Variants in FAM120A observed in about 807,000 individuals in gnomAD.
The protein encoded by FAM120A is constitutive coactivator of PPAR-gamma-like protein 1.
FAM120A carries 15 observed loss-of-function variants against 109.7 expected under a neutral mutation model. That is an observed-to-expected ratio of 0.14 (90% CI 0.09 to 0.21). FAM120A has a LOEUF of 0.21. Among genes scored for constraint, FAM120A ranks in the 10% least tolerant of loss-of-function variants. FAM120A has a pLI of 1.00. For synonymous variants in FAM120A, 493 were observed against 572.8 expected (o/e 0.86, Z 1.99); for missense variants, 899 against 1,439.3 (o/e 0.62, Z 6.07).
At chr9:93,521,160 A>C (rs1860830279) in intron 7 of FAM120A, among the ~76,000 whole-genome samples, 2 of 152,320 alleles carry the variant, frequency 1.3e-5, no homozygotes, top group African/African-American at 4.8e-5. Context: ...TTTCCAAAAA[A>C]ATTGAAGGTG....
intron 5 of FAM120A, among the ~76,000 whole-genome samples, chr9:93,506,472 C>G (rs563544594): frequency 6.6e-6 from 1 of 152,186 alleles, no homozygotes; most frequent in African/African-American, 2.4e-5. Context: ...CAACTTTGCT[C>G]AGTTCTTATT....
At chr9:93,484,612 C>T (rs963156225) in intron 3 of FAM120A, among the ~76,000 whole-genome samples, 4 of 152,120 alleles carry the variant, frequency 2.6e-5, no homozygotes, top group Non-Finnish European at 5.9e-5. Flanking sequence ...CTTGCTCTGT[C>T]ACCCAGGCTG....
At chr9:93,542,853 A>G (rs1266224861) in intron 10 of FAM120A, among the ~76,000 whole-genome samples, 5 of 152,240 alleles carry the variant, frequency 3.3e-5, no homozygotes, top group African/African-American at 1.2e-4. Flanking sequence ...TAATTAGATA[A>G]CCACATACTT....
At chr9:93,493,975 C>T (rs936112634) in intron 3 of FAM120A, among the ~76,000 whole-genome samples, 1 of 152,204 alleles carries the variant, frequency 6.6e-6, no homozygotes, top group African/African-American at 2.4e-5. Flanking sequence ...AAGTGTCTTC[C>T]TTCAATTCCT....
At chr9:93,499,289 T>A (rs76380605) in intron 5 of FAM120A, among the ~76,000 whole-genome samples, 5 of 151,836 alleles carry the variant, frequency 3.3e-5, no homozygotes, top group African/African-American at 4.8e-5. Flanking sequence ...TTTTTTTTTT[T>A]AATTCTTTTT....
At chr9:93,522,967 G>T (rs1412240506) in intron 7 of FAM120A, among the ~76,000 whole-genome samples, 1 of 152,202 alleles carries the variant, frequency 6.6e-6, no homozygotes, top group Non-Finnish European at 1.5e-5. Flanking sequence ...AGAGTCTCTT[G>T]GTTGGTATTT....
chr9:93,487,600 C>A (rs1034834600), intron 3 of FAM120A, among the ~76,000 whole-genome samples: 18 of 152,196 alleles, frequency 1.2e-4, no homozygotes, highest in Non-Finnish European at 2.4e-4. Flanking sequence ...CAAAGGAAAT[C>A]TGTCTGATCA....
intron 11 of FAM120A, among the ~76,000 whole-genome samples, chr9:93,544,798 TG>T (rs1363993290): frequency 1.3e-5 from 2 of 152,108 alleles, no homozygotes; most frequent in African/African-American, 2.4e-5. Context: ...ATGCCCTGCC[TG>T]GGGGTGCACA....
chr9:93,558,730 C>T lies in FAM120A; in HGVS notation c.2806+12C>T, dbSNP rs762336922. 6.2e-7 allele frequency: 1 copy of T among 1,611,742 alleles called. No homozygotes were observed. The highest frequency in any genetic ancestry group is 1.3e-5 in the African/African-American group (1 of 75,040). ...CAAGTCCCAGGGCGGTAATTATACC[C>T]ACCCCTTCCCAGAGCTTCTGCCTGC... On this transcript the variant is annotated intron_variant, in intron 15 of 17. Transcript: ENST00000277165.
At chr9:93,556,665 A>G (rs1009396185) in intron 13 of FAM120A, 74 bp downstream of exon 13, 1 of 1,408,086 alleles carries the variant, frequency 7.1e-7, no homozygotes, top group Non-Finnish European at 1.0e-6. Flanking sequence ...GTCATCTTTT[A>G]TACCATATTT....
chr9:93,552,853 T>C (rs1862150628), intron 12 of FAM120A, among the ~76,000 whole-genome samples: 1 of 152,224 alleles, frequency 6.6e-6, no homozygotes, highest in African/African-American at 2.4e-5. Context: ...CTACCCAGTT[T>C]GTGGATTGCC....
At chr9:93,548,537 T>C (rs1861976937) in intron 11 of FAM120A, among the ~76,000 whole-genome samples, 1 of 152,244 alleles carries the variant, frequency 6.6e-6, no homozygotes, top group South Asian at 2.1e-4. Flanking sequence ...ATGTGCTTAA[T>C]GCCACTGAAC....
rs542447510 is a variant in FAM120A at position 93,524,984 on chromosome 9, T to G, written c.1419-2171T>G. ...GTGTAAAATGAAACATAAATATATA[T>G]AGAAGTATTCTAAAATGTTATCCAT... On this transcript the variant is annotated intron_variant, in intron 7 of 17. Transcript: ENST00000277165. Among the ~76,000 whole-genome samples the G allele has an allele frequency of 2.6e-5, 4 of 152,298 alleles. No homozygotes were observed. In the East Asian group the frequency reaches 7.7e-4, roughly 29 times the overall value.
chr9:93,561,306 C>G (rs1862457000), intron 16 of FAM120A, 56 bp downstream of exon 16: 3 of 1,520,362 alleles, frequency 2.0e-6, no homozygotes, highest in Non-Finnish European at 2.6e-6. Context: ...CAGCTTCTAA[C>G]TTGCTTTTTT....
chr9:93,528,754 T>G (rs761646194), intron 8 of FAM120A, among the ~76,000 whole-genome samples: 1 of 152,228 alleles, frequency 6.6e-6, no homozygotes, highest in African/African-American at 2.4e-5. Context: ...TAATTTTTGC[T>G]TGTGTATAAT....
At chr9:93,535,140 A>G (rs1173808842) in intron 10 of FAM120A, among the ~76,000 whole-genome samples, 2 of 152,252 alleles carry the variant, frequency 1.3e-5, no homozygotes, top group Admixed American at 1.3e-4. Flanking sequence ...TTAGGTACAC[A>G]CAACTTATTG....
At chr9:93,547,647 G>A (rs1468660561) in intron 11 of FAM120A, among the ~76,000 whole-genome samples, 1 of 152,134 alleles carries the variant, frequency 6.6e-6, no homozygotes, top group Non-Finnish European at 1.5e-5. Flanking sequence ...TAAGTGACAT[G>A]TTCATAATCT....
Position 93,564,527 on chromosome 9 carries a change from A to C in FAM120A, c.3344A>C (p.Asn1115Thr). ...GCTGCTCTGGAGGCAGCTGTCTTAA[A>C]TAAAGAAGAGTAAACTTATTTTTTA... ...REAALEAAVL[N>T]KEE Residue 1115 changes from asparagine to threonine, a missense_variant, in exon 18 of 18, where the codon AAT becomes ACT. Around this residue, in one of 11 missense-constraint regions of FAM120A, gnomAD observed 170 missense variants for 205.0 expected, o/e 0.83. Transcript: ENST00000277165. 1 of 1,607,188 alleles carries C rather than the reference A, an allele frequency of 6.2e-7. No homozygotes were observed. Among genetic ancestry groups the C allele is most frequent in the Non-Finnish European group, 8.5e-7 (1 of 1,175,104 alleles).
intron 3 of FAM120A, among the ~76,000 whole-genome samples, chr9:93,491,593 G>GTT (rs1302404017): frequency 6.6e-6 from 1 of 152,070 alleles, no homozygotes; most frequent in African/African-American, 2.4e-5. Context: ...GAAGTAAAGG[G>GTT]GTAGGTTGAA....
Sources: gnomAD v4.1 joint callset for allele counts (sites outside exome capture counted in the v4.1 genomes callset) on GRCh38, gnomAD v4.1.1 for gene constraint, gnomAD v4.1.1 regional missense constraint, MANE v1.5 for transcripts, NCBI Gene and HGNC (gene_info 2026-07-23, HGNC 2026-07-21) for gene names.